Variants in TMX3 observed in about 807,000 individuals in gnomAD.
TMX3 encodes the protein thioredoxin related transmembrane protein 3.
A neutral mutation model predicts 64.4 loss-of-function variants in TMX3; 40 were observed. The observed-to-expected ratio is 0.62, with a 90% CI of 0.48 to 0.81. The LOEUF (loss-of-function observed/expected upper bound fraction) is 0.81, where lower values mean the gene tolerates loss of function less well. TMX3 is among the 30% of genes least tolerant of loss of function. TMX3 has a pLI of 0.00. For synonymous variants in TMX3, 189 were observed against 175.7 expected (o/e 1.08, Z -0.60); for missense variants, 497 against 534.5 (o/e 0.93, Z 0.69).
At position 68,682,940 on chromosome 18, in the gene TMX3, T is replaced by C. The variant is rs1055129974; in HGVS notation, c.890A>G (p.Asn297Ser). ...CTTTACTTACTCCATCAGCAAGGTA[T>C]TTATGTAGTCATTTCCATCCATGTG... ...FGHMDGNDYI[N>S]TLLMDELTVP... Residue 297 changes from asparagine to serine, a missense_variant, in exon 13 of 16, where the codon AAT becomes AGT. By Grantham distance (46) the Asn-to-Ser change is conservative. This residue lies in a region of TMX3 where 360 missense variants were observed against 383.5 expected (regional missense o/e 0.94). Coordinates refer to ENST00000299608, the MANE Select transcript of TMX3 (RefSeq NM_019022.5). 3.7e-6 allele frequency: 6 copies of C among 1,610,416 alleles called. No individual in the cohort carries two copies. The highest frequency in any genetic ancestry group is 5.1e-6 in the Non-Finnish European group (6 of 1,177,796).
At chr18:68,682,429 C>T (rs1913524508) in intron 13 of TMX3, among the ~76,000 whole-genome samples, 1 of 152,070 alleles carries the variant, frequency 6.6e-6, no homozygotes, top group South Asian at 2.1e-4. Context: ...CAAATAAATT[C>T]TAGAACAATT....
Position 68,676,587 on chromosome 18 carries a change from T to C in TMX3, c.*346A>G, listed in dbSNP as rs1912945044. On this transcript the variant is annotated 3_prime_UTR_variant, in exon 16 of 16. Coordinates refer to ENST00000299608, the MANE Select transcript of TMX3 (RefSeq NM_019022.5). ...GCATTATTTTTCTATATCACACATG[T>C]ATCTTCTACCTGACTGACCAATTTA... is the stretch of plus-strand genomic sequence containing the variant. 4.9e-6 allele frequency: 1 copy of C among 205,606 alleles called. No individual in the cohort carries two copies. The highest frequency in any genetic ancestry group is 5.4e-5 in the Admixed American group (1 of 18,562). The allele number at this position is 205,606 out of a possible 1,614,324, so 12.7% of individuals were successfully genotyped here. A position where few individuals can be genotyped will look rare whatever the true frequency, so the allele number is the denominator to read the frequency against.
At chr18:68,703,558 C>T (rs548210510) in intron 4 of TMX3, among the ~76,000 whole-genome samples, 16 of 152,150 alleles carry the variant, frequency 1.1e-4, no homozygotes, top group Admixed American at 3.9e-4. Context: ...CAACCCACAT[C>T]CCTTGGCTTC....
chr18:68,681,131 CA>C, intron 13 of TMX3, 21 bp from the exon 14 acceptor site: 1 of 1,527,580 alleles, frequency 6.5e-7, no homozygotes. Flanking sequence ...AAAAACAAAT[CA>C]AAATATACAT....
At chr18:68,678,036 A>G (rs183668433) in intron 15 of TMX3, among the ~76,000 whole-genome samples, 1 of 152,182 alleles carries the variant, frequency 6.6e-6, no homozygotes, top group Non-Finnish European at 1.5e-5. Flanking sequence ...ATCAAAATCG[A>G]TTATTTTAGT....
intron 10 of TMX3, chr18:68,686,987 AT>A (rs1315450550): frequency 1.0e-6 from 1 of 982,558 alleles, no homozygotes; most frequent in African/African-American, 1.7e-5. Context: ...TTAAAAAAAA[AT>A]AAGTCTTGAA....
Position 68,698,016 on chromosome 18 carries a change from T to A in TMX3, c.408A>T (p.Pro136=). ...GTTCAAACATTTGTTGACTTGGAAG[T>A]GGCCGAATTAGAGCCCTGTTGCACA... is the stretch of plus-strand genomic sequence containing the variant. ...AHRVSGALIR[P]LPSQQMFEHM... is the part of the protein sequence containing the mutation. Residue 136 remains proline (P), a synonymous_variant, in exon 7 of 16, where the codon CCA becomes CCT. Coordinates refer to ENST00000299608, the MANE Select transcript of TMX3 (RefSeq NM_019022.5). The A allele has an allele frequency of 6.2e-7, 1 of 1,611,326 alleles. No individual in the cohort carries two copies. The highest frequency in any genetic ancestry group is 8.5e-7 in the Non-Finnish European group (1 of 1,179,480).
chr18:68,692,333 A>T (rs1914604254), intron 8 of TMX3, among the ~76,000 whole-genome samples: 1 of 152,132 alleles, frequency 6.6e-6, no homozygotes, highest in African/African-American at 2.4e-5. Context: ...TACAGTCTCA[A>T]ATCTTGCAGC....
intron 6 of TMX3, 108 bp from the exon 7 acceptor site, chr18:68,698,139 T>C (rs1915298248): frequency 4.3e-6 from 3 of 700,714 alleles, no homozygotes; most frequent in Non-Finnish European, 7.1e-6. Flanking sequence ...TTCAATAATA[T>C]ATCAACTGCA....
At chr18:68,708,488 C>T (rs1332718005) in intron 4 of TMX3, among the ~76,000 whole-genome samples, 4 of 152,106 alleles carry the variant, frequency 2.6e-5, no homozygotes, top group African/African-American at 4.8e-5. Flanking sequence ...GCCAACCAAT[C>T]TGTTACTTCT....
At chr18:68,705,383 G>C (rs1401660206) in intron 4 of TMX3, among the ~76,000 whole-genome samples, 1 of 152,208 alleles carries the variant, frequency 6.6e-6, no homozygotes, top group African/African-American at 2.4e-5. Context: ...ATGCAAGGCT[G>C]AGAAGCCCTG....
intron 4 of TMX3, 138 bp downstream of exon 4, chr18:68,709,883 A>G (rs1015648900): frequency 5.7e-6 from 4 of 703,222 alleles, no homozygotes; most frequent in Non-Finnish European, 8.4e-6. Flanking sequence ...TTTAACTCAT[A>G]AAGTATACAG....
At chr18:68,690,723 A>G (rs1052622683) in intron 9 of TMX3, among the ~76,000 whole-genome samples, 1 of 152,262 alleles carries the variant, frequency 6.6e-6, no homozygotes, top group African/African-American at 2.4e-5. Flanking sequence ...CATGATGGGC[A>G]AAGATCTTCG....
intron 12 of TMX3, among the ~76,000 whole-genome samples, chr18:68,683,194 A>G (rs1326285353): frequency 1.3e-5 from 2 of 152,178 alleles, no homozygotes; most frequent in African/African-American, 4.8e-5. Context: ...AGATACAAAT[A>G]CACGAGTAGA....
At chr18:68,707,981 GTATGTGTATATA>G (rs1193764591) in intron 4 of TMX3, among the ~76,000 whole-genome samples, 12 of 149,614 alleles carry the variant, frequency 8.0e-5, no homozygotes, top group Admixed American at 5.3e-4. Flanking sequence ...ACATATATGT[GTATGTGTATATA>G]TGTGTATATA....
At chr18:68,712,573 T>C (rs7241891) in intron 2 of TMX3, among the ~76,000 whole-genome samples, 6,060 of 152,112 alleles carry the variant, frequency 0.04, 290 homozygotes, top group African/African-American at 0.11. Flanking sequence ...TTTTTCAGCA[T>C]AGGGACCTTT....
intron 5 of TMX3, among the ~76,000 whole-genome samples, chr18:68,701,453 A>G (rs2030051658): frequency 6.6e-6 from 1 of 152,072 alleles, no homozygotes; most frequent in East Asian, 1.9e-4. Flanking sequence ...CCACACTTGA[A>G]CTCCTCAAGG....
chr18:68,714,893 T>C (rs750450973), intron 1 of TMX3, 43 bp downstream of exon 1: 23 of 1,547,432 alleles, frequency 1.5e-5, no homozygotes, highest in Non-Finnish European at 2.0e-5. Flanking sequence ...CGGGGCCAGG[T>C]CCCACGCGCC....
In TMX3 at chr18:68,698,843, C is replaced by T. The variant is rs563068258; in HGVS notation, c.393-812G>A. Among the ~76,000 whole-genome samples the T allele has an allele frequency of 2.9e-3, 433 of 151,162 alleles. 4 individuals carry two copies. Among genetic ancestry groups the T allele is most frequent in the African/African-American group, 9.3e-3 (383 of 41,052 alleles). Reference sequence around the variant, plus strand: ...CATCCTGGCTAATACGGTGAAATCCCGTCTCTACTAAAAATACAAAAAAAA... The same window carrying T: ...CATCCTGGCTAATACGGTGAAATCCTGTCTCTACTAAAAATACAAAAAAAA... On this transcript the variant is annotated intron_variant, in intron 6 of 15. Transcript: ENST00000299608.
Sources: gnomAD v4.1 joint callset for allele counts (sites outside exome capture counted in the v4.1 genomes callset) on GRCh38, gnomAD v4.1.1 for gene constraint, gnomAD v4.1.1 regional missense constraint, MANE v1.5 for transcripts, NCBI Gene and HGNC (gene_info 2026-07-23, HGNC 2026-07-21) for gene names.